The following GRIP1 variants were observed in gnomAD, a reference collection of about 807,000 sequenced individuals.
GRIP1 encodes glutamate receptor interacting protein 1, also known as glutamate receptor-interacting protein 1.
A neutral mutation model predicts 129.9 loss-of-function variants in GRIP1; 45 were observed. That is an observed-to-expected ratio of 0.35 (90% CI 0.27 to 0.44). The LOEUF (loss-of-function observed/expected upper bound fraction) is 0.44, where lower values mean the gene tolerates loss of function less well. GRIP1 is among the 20% of genes least tolerant of loss of function. The pLI, the probability that GRIP1 is intolerant of heterozygous loss-of-function variation, is 1.00. For missense variants in GRIP1, 1,196 were observed against 1,396.8 expected (o/e 0.86, Z 2.29); for synonymous variants, 530 against 520.8 (o/e 1.02, Z -0.24).
chr12:66,829,765 C>A (rs1304208320), intron 1 of GRIP1, among the ~76,000 whole-genome samples: 1 of 152,190 alleles, frequency 6.6e-6, no homozygotes, highest in Non-Finnish European at 1.5e-5. Context: ...AGTACTATTA[C>A]CTCTCAGTTT....
At chr12:66,922,150 G>C (rs144464442) in intron 1 of GRIP1, among the ~76,000 whole-genome samples, 88 of 152,302 alleles carry the variant, frequency 5.8e-4, no homozygotes, top group Middle Eastern at 6.8e-3. Context: ...AATTCTCTTT[G>C]GGAAAGAATG....
chr12:66,715,481 A>G lies in GRIP1; in HGVS notation c.-419-85145T>C, dbSNP rs143474111. On this transcript the variant is annotated intron_variant, in intron 1 of 4. Transcript: ENST00000538373. ...GTGTGTGTGTGTGTGTGAGAGAGAG[A>G]GAGAGAGAGAGAGAGAGAGAGAGAG... Among the ~76,000 whole-genome samples the G allele has an allele frequency of 2.3e-4, 12 of 51,904 alleles. No homozygotes were observed. In the South Asian group the frequency reaches 5.9e-3, roughly 25 times the overall value. The allele number at this position is 51,904 out of a possible 152,430, so 34.1% of individuals were successfully genotyped here.
rs1222509544 is a variant in GRIP1 at position 66,596,909 on chromosome 12, T to A, written c.74A>T (p.Lys25Ile). 1.6e-5 allele frequency: 26 copies of A among 1,612,402 alleles called. No individual in the cohort carries two copies. Among genetic ancestry groups the A allele is most frequent in the Non-Finnish European group, 2.0e-5 (24 of 1,178,540 alleles). Residue 25 changes from lysine to isoleucine, a missense_variant, in exon 2 of 25, where the codon AAA becomes ATA. Physicochemically the swap from Lys to Ile is moderately radical, Grantham distance 102 (BLOSUM62 -3). This residue lies in a region of GRIP1 where 217 missense variants were observed against 224.8 expected (regional missense o/e 0.97). Coordinates refer to ENST00000359742, the MANE Select transcript of GRIP1 (RefSeq NM_001366722.1). ...AGGCGGCTTTGTCTGGCTGGCGGAT[T>A]TAGTGTAGGGACTCTCATCTGCAAA... Reference protein sequence around the residue: ...RLTKDESPYTKSASQTKPPDG... With the variant: ...RLTKDESPYTISASQTKPPDG...
chr12:66,709,095 C>G (rs1390423944), intron 1 of GRIP1, among the ~76,000 whole-genome samples: 1 of 151,728 alleles, frequency 6.6e-6, no homozygotes, highest in Non-Finnish European at 1.5e-5. Flanking sequence ...TACTATACAG[C>G]AAATAAAAAG....
intron 22 of GRIP1, chr12:66,372,183 T>C (rs2055544286): frequency 1.8e-6 from 1 of 566,058 alleles, no homozygotes; most frequent in African/African-American, 1.9e-5. Context: ...ATACCACCCC[T>C]GGCAGTTTTG....
intron 1 of GRIP1, among the ~76,000 whole-genome samples, chr12:66,610,563 A>G (rs891767697): frequency 7.9e-5 from 12 of 152,098 alleles, no homozygotes; most frequent in African/African-American, 2.9e-4. Context: ...TATACCAGGG[A>G]CTTTGAAATT....
intron 1 of GRIP1, among the ~76,000 whole-genome samples, chr12:66,914,905 A>G (rs1328353334): frequency 6.6e-6 from 1 of 152,194 alleles, no homozygotes; most frequent in Admixed American, 6.5e-5. Flanking sequence ...CAAGAGGATC[A>G]CTTGAATCCA....
chr12:67,000,462 A>G lies in GRIP1; in HGVS notation c.58+68588T>C, dbSNP rs186256323. Among the ~76,000 whole-genome samples the G allele has an allele frequency of 9.9e-4, 151 of 152,262 alleles. 2 individuals are homozygous for G. The highest frequency in any genetic ancestry group is 3.5e-3 in the African/African-American group (146 of 41,576). ...CTAATGTGTCTAACCAACAATTTCT[A>G]TCTGCCTCCAAAACATCTTTCAAAT... On this transcript the variant is annotated intron_variant, in intron 1 of 1. Coordinates refer to the GRIP1 transcript ENST00000643019.
At position 66,661,535 on chromosome 12, in the gene GRIP1, G is replaced by T. The variant is rs10878489; in HGVS notation, c.55+17315C>A. 2.1e-4 allele frequency among the ~76,000 whole-genome samples: 32 copies of T among 150,760 alleles called. No homozygotes were observed. In the East Asian group the frequency reaches 5.9e-3, roughly 28 times the overall value. The stretch of plus-strand genomic sequence containing the variant: ...TACTACTATTTTCAATTTGACTTGG[G>T]GGAAGTCCTGTCTAGAGAATTTAGC... On this transcript the variant is annotated intron_variant, in intron 1 of 24. Transcript: ENST00000359742.
intron 1 of GRIP1, among the ~76,000 whole-genome samples, chr12:66,775,591 C>T (rs776933597): frequency 5.3e-5 from 8 of 152,094 alleles, no homozygotes; most frequent in African/African-American, 1.9e-4. Context: ...TTCACTTCAT[C>T]TGTGGCCTAT....
intron 9 of GRIP1, among the ~76,000 whole-genome samples, chr12:66,461,305 G>A (rs762037787): frequency 6.6e-6 from 1 of 152,200 alleles, no homozygotes; most frequent in Non-Finnish European, 1.5e-5. Context: ...GCTGATACCA[G>A]AATTTAGCAA....
chr12:66,548,735 T>TGACA (rs2062028105), intron 2 of GRIP1, among the ~76,000 whole-genome samples: 1 of 152,174 alleles, frequency 6.6e-6, no homozygotes, highest in Non-Finnish European at 1.5e-5. Flanking sequence ...TGGTGGATGT[T>TGACA]GACATCTGTC....
chr12:66,422,052 C>G (rs2057820244), intron 14 of GRIP1, among the ~76,000 whole-genome samples: 1 of 152,062 alleles, frequency 6.6e-6, no homozygotes, highest in Non-Finnish European at 1.5e-5. Flanking sequence ...TTTTAGAGAT[C>G]ATTAACAGGC....
At chr12:66,585,513 T>C (rs113885820) in intron 2 of GRIP1, among the ~76,000 whole-genome samples, 7,972 of 111,428 alleles carry the variant, frequency 0.072, 383 homozygotes, top group Middle Eastern at 0.11. Flanking sequence ...TGTTGGACAT[T>C]TGGGTTGGTT....
intron 1 of GRIP1, among the ~76,000 whole-genome samples, chr12:67,064,203 G>A (rs1293094268): frequency 3.9e-5 from 6 of 152,150 alleles, no homozygotes; most frequent in African/African-American, 1.4e-4. Context: ...ATATACTGTA[G>A]AAGTGTTTTC....
chr12:67,050,434 C>T (rs1202614028), intron 1 of GRIP1, among the ~76,000 whole-genome samples: 1 of 152,110 alleles, frequency 6.6e-6, no homozygotes. Flanking sequence ...CTACCATATT[C>T]ACATTTGTGT....
chr12:66,692,487 T>C (rs1406396395), intron 1 of GRIP1, among the ~76,000 whole-genome samples: 2 of 152,132 alleles, frequency 1.3e-5, no homozygotes, highest in Non-Finnish European at 2.9e-5. Context: ...TCTATCACCA[T>C]TATTTGGAAA....
At chr12:66,538,217 T>TA (rs1565840429) in intron 4 of GRIP1, among the ~76,000 whole-genome samples, 56 of 146,482 alleles carry the variant, frequency 3.8e-4, no homozygotes, top group African/African-American at 1.4e-3. Context: ...TTTTTTTTTT[T>TA]TAAACAGGGT....
At chr12:66,723,304 CT>C (rs57938064) in intron 1 of GRIP1, among the ~76,000 whole-genome samples, 1,223 of 58,314 alleles carry the variant, frequency 0.021, 81 homozygotes, top group African/African-American at 0.05. Context: ...TTCTTTCTTT[CT>C]TTTTTTTTTT....
Sources: gnomAD v4.1 joint callset for allele counts (sites outside exome capture counted in the v4.1 genomes callset) on GRCh38, gnomAD v4.1.1 for gene constraint, gnomAD v4.1.1 regional missense constraint, MANE v1.5 for transcripts, NCBI Gene and HGNC (gene_info 2026-07-23, HGNC 2026-07-21) for gene names.